ADCY2: variants seen among roughly 807,000 people sequenced by gnomAD.
ADCY2 encodes the protein adenylate cyclase type 2.
In ADCY2, 31 loss-of-function variants were observed where a neutral mutation model predicts 125.2. The ratio of observed to expected loss-of-function variants is 0.25; its 90% CI spans 0.19 to 0.33. The LOEUF is 0.33. Among genes scored for constraint, ADCY2 ranks in the 10% least tolerant of loss-of-function variants. The pLI is 1.00. For missense variants in ADCY2, 904 were observed against 1,418.2 expected (o/e 0.64, Z 5.82); for synonymous variants, 512 against 548.4 (o/e 0.93, Z 0.93).
intron 18 of ADCY2, among the ~76,000 whole-genome samples, chr5:7,780,231 C>T (rs1425746051): frequency 4.6e-5 from 7 of 152,202 alleles, no homozygotes; most frequent in Non-Finnish European, 1.0e-4. Flanking sequence ...GGTGTTTTAT[C>T]TTGTTTTACG....
At chr5:7,663,397 G>A (rs533030120) in intron 4 of ADCY2, among the ~76,000 whole-genome samples, 5 of 152,360 alleles carry the variant, frequency 3.3e-5, no homozygotes, top group East Asian at 3.9e-4. Flanking sequence ...GCACTTTTGT[G>A]TTTGGCATCC....
intron 2 of ADCY2, among the ~76,000 whole-genome samples, chr5:7,458,180 A>C (rs938817694): frequency 1.3e-5 from 2 of 152,228 alleles, no homozygotes; most frequent in African/African-American, 4.8e-5. Context: ...TTATGACAGC[A>C]TGGTAAGTAA....
intron 2 of ADCY2, among the ~76,000 whole-genome samples, chr5:7,489,393 G>A (rs548958478): frequency 2.1e-4 from 32 of 152,260 alleles, no homozygotes; most frequent in African/African-American, 6.0e-4. Context: ...CCTTCCTTGG[G>A]TTGCTTCTTC....
intron 12 of ADCY2, among the ~76,000 whole-genome samples, chr5:7,722,185 C>T (rs114532305): frequency 1.3e-5 from 2 of 152,246 alleles, no homozygotes; most frequent in East Asian, 1.9e-4. Context: ...CTGGGGTTCA[C>T]GAAGCACCAC....
Position 7,414,577 on chromosome 5 carries a change from T to C in ADCY2, c.215T>C (p.Val72Ala). ...TGTATTTTTTTATCTCCTCAGGAAG[T>C]TGAAGACCATGTGGCGTTTCTAATA... ...LAVFFALGLE[V>A]EDHVAFLITV... Residue 72 changes from valine (V) to alanine (A), a missense_variant, in exon 2 of 25, where the codon GTT becomes GCT. Transcript: ENST00000338316. 2 of 1,609,632 alleles carry C rather than the reference T, an allele frequency of 1.2e-6. No individual in the cohort carries two copies. Among genetic ancestry groups the C allele is most frequent in the East Asian group, 4.5e-5 (2 of 44,764 alleles).
intron 15 of ADCY2, among the ~76,000 whole-genome samples, chr5:7,753,672 C>G: frequency 6.6e-6 from 1 of 152,174 alleles, no homozygotes; most frequent in East Asian, 1.9e-4. Flanking sequence ...CACACTGAAT[C>G]AAGGGTCTCC....
chr5:7,722,600 A>G (rs1741794306), intron 12 of ADCY2, among the ~76,000 whole-genome samples: 1 of 152,146 alleles, frequency 6.6e-6, no homozygotes, highest in South Asian at 2.1e-4. Flanking sequence ...GTAATAAGAA[A>G]TACCAAAAAA....
At chr5:7,496,813 G>A (rs909596319) in intron 2 of ADCY2, among the ~76,000 whole-genome samples, 4 of 152,004 alleles carry the variant, frequency 2.6e-5, no homozygotes, top group African/African-American at 7.2e-5. Flanking sequence ...ATATAATGGG[G>A]CAATAACTTT....
At chr5:7,423,318 T>C (rs1740279029) in intron 2 of ADCY2, among the ~76,000 whole-genome samples, 1 of 151,506 alleles carries the variant, frequency 6.6e-6, no homozygotes, top group Admixed American at 6.6e-5. Context: ...AGCCAGAGCG[T>C]TGAGAAACCA....
intron 15 of ADCY2, among the ~76,000 whole-genome samples, chr5:7,752,740 T>A (rs944751217): frequency 6.6e-6 from 1 of 151,474 alleles, no homozygotes; most frequent in Admixed American, 6.6e-5. Flanking sequence ...GAAGAGAAGC[T>A]GGCTGATATT....
At chr5:7,768,046 A>AC (rs1231051172) in intron 17 of ADCY2, among the ~76,000 whole-genome samples, 5 of 150,592 alleles carry the variant, frequency 3.3e-5, no homozygotes, top group Admixed American at 3.3e-4. Flanking sequence ...GAAAAAAAAA[A>AC]AGAAGTGGCT....
chr5:7,596,770 T>G (rs758773402), intron 3 of ADCY2, among the ~76,000 whole-genome samples: 11 of 152,214 alleles, frequency 7.2e-5, no homozygotes, highest in Non-Finnish European at 1.5e-4. Flanking sequence ...GTAATTATTT[T>G]AGTATTGTTA....
rs193259606 is a variant in ADCY2, at chr5:7,579,978, G to T, written c.571-46189G>T. On this transcript the variant is annotated intron_variant, in intron 3 of 24. Transcript: ENST00000338316. Reference sequence around the variant, plus strand: ...GTGTTTTGCAGCAACGTGGATGCAGGTGGAGGCCATGATCCTAAGTGAATC... The same window carrying T: ...GTGTTTTGCAGCAACGTGGATGCAGTTGGAGGCCATGATCCTAAGTGAATC... Among the ~76,000 whole-genome samples, 3 of 152,336 alleles carry T rather than the reference G, an allele frequency of 2.0e-5. No homozygotes were observed. In the East Asian group the frequency reaches 5.8e-4, roughly 29 times the overall value.
At chr5:7,651,870 CCGGCTCACTGTA>C (rs1739102384) in intron 4 of ADCY2, among the ~76,000 whole-genome samples, 4 of 151,950 alleles carry the variant, frequency 2.6e-5, no homozygotes, top group African/African-American at 9.7e-5. Flanking sequence ...TGGCATGATT[CCGGCTCACTGTA>C]ACCTGCGCCT....
intron 3 of ADCY2, among the ~76,000 whole-genome samples, chr5:7,564,422 A>G (rs4702479): frequency 0.98 from 149,804 of 152,272 alleles, 73,736 homozygotes; most frequent in Middle Eastern, 1. Context: ...CAGGGTTTCC[A>G]GCATGCTGGG....
intron 7 of ADCY2, among the ~76,000 whole-genome samples, chr5:7,704,751 G>A (rs549888741): frequency 1.1e-4 from 16 of 152,046 alleles, no homozygotes; most frequent in East Asian, 2.0e-4. Context: ...TTTGGCGTGC[G>A]CCTGTAATCC....
chr5:7,521,127 G>A (rs1231470160), intron 3 of ADCY2, among the ~76,000 whole-genome samples: 2 of 152,222 alleles, frequency 1.3e-5, no homozygotes, highest in African/African-American at 4.8e-5. Flanking sequence ...AATGGTAGCA[G>A]GAAAGTTGGA....
chr5:7,744,390 TA>T lies in ADCY2; in HGVS notation c.1956+648del, dbSNP rs1266095887. On this transcript the variant is annotated intron_variant, in intron 15 of 24. Transcript: ENST00000338316. The stretch of plus-strand genomic sequence containing the variant: ...GTATCCCAGAACTTAAAGTAAAATT[TA>T]AAAAAAAAAGTAAACCTAATACATT... Among the ~76,000 whole-genome samples the T allele has an allele frequency of 6.5e-4, 97 of 149,556 alleles. No individual in the cohort carries two copies. The South Asian group carries it at 0.012, about 18-fold the overall frequency.
chr5:7,531,804 A>G (rs1331839327), intron 3 of ADCY2, among the ~76,000 whole-genome samples: 1 of 152,248 alleles, frequency 6.6e-6, no homozygotes, highest in Non-Finnish European at 1.5e-5. Flanking sequence ...TTATTTCTGC[A>G]AAGACCTTAT....
Sources: gnomAD v4.1 joint callset for allele counts (sites outside exome capture counted in the v4.1 genomes callset) on GRCh38, gnomAD v4.1.1 for gene constraint, MANE v1.5 for transcripts, NCBI Gene and HGNC (gene_info 2026-07-23, HGNC 2026-07-21) for gene names.